Variants in PLXDC2 observed in about 807,000 individuals in gnomAD.
PLXDC2 encodes plexin domain-containing protein 2.
PLXDC2 carries 40 observed loss-of-function variants against 68.9 expected under a neutral mutation model. The observed-to-expected ratio is 0.58, with a 90% CI of 0.45 to 0.76. The LOEUF (loss-of-function observed/expected upper bound fraction) is 0.76, where lower values mean the gene tolerates loss of function less well. Among genes scored for constraint, PLXDC2 ranks in the 30% least tolerant of loss-of-function variants. PLXDC2 has a pLI of 0.00. For synonymous variants in PLXDC2, 243 were observed against 234.2 expected, an observed-to-expected ratio of 1.04 and a Z score of -0.34; for missense variants, 644 against 661.9, an observed-to-expected ratio of 0.97 and a Z score of 0.30.
At chr10:20,191,828 T>A (rs970787798) in intron 9 of PLXDC2, among the ~76,000 whole-genome samples, 5 of 151,868 alleles carry the variant, frequency 3.3e-5, no homozygotes, top group Admixed American at 6.6e-5. Flanking sequence ...AACAAGTAAA[T>A]AAATAAAAAA....
chr10:19,987,780 G>A (rs954743249), intron 1 of PLXDC2, among the ~76,000 whole-genome samples: 2 of 151,896 alleles, frequency 1.3e-5, no homozygotes, highest in South Asian at 2.1e-4. Context: ...TGGCCAGGAT[G>A]GTCTCGATCG....
chr10:20,033,079 A>T (rs1005285540), intron 2 of PLXDC2, among the ~76,000 whole-genome samples: 12 of 151,950 alleles, frequency 7.9e-5, no homozygotes, highest in Non-Finnish European at 1.6e-4. Context: ...ATATACCTAA[A>T]GTAAATGATG....
chr10:20,047,700 C>T (rs545974180), intron 3 of PLXDC2, among the ~76,000 whole-genome samples: 1 of 152,096 alleles, frequency 6.6e-6, no homozygotes, highest in Non-Finnish European at 1.5e-5. Flanking sequence ...CAAGGGCCAG[C>T]CTGAATGCTC....
At chr10:20,109,049 A>T (rs148687471) in intron 4 of PLXDC2, among the ~76,000 whole-genome samples, 1 of 152,328 alleles carries the variant, frequency 6.6e-6, no homozygotes, top group Non-Finnish European at 1.5e-5. Context: ...ATACTGGGAC[A>T]ATAAATTGCT....
At chr10:20,198,196 A>G (rs1366974355) in intron 9 of PLXDC2, among the ~76,000 whole-genome samples, 1 of 152,140 alleles carries the variant, frequency 6.6e-6, no homozygotes, top group Non-Finnish European at 1.5e-5. Context: ...AAAACAGAAG[A>G]CAAGCAGCTG....
chr10:19,896,370 T>A (rs190264523), intron 1 of PLXDC2, among the ~76,000 whole-genome samples: 1 of 152,292 alleles, frequency 6.6e-6, no homozygotes, highest in Non-Finnish European at 1.5e-5. Context: ...CAGAGCTAGG[T>A]TGCATTTTGG....
intron 2 of PLXDC2, among the ~76,000 whole-genome samples, chr10:20,044,122 T>TCCTTCCTTCCTTCCTTCCTC (rs71388894): frequency 0.017 from 1,659 of 99,772 alleles, 281 homozygotes; most frequent in South Asian, 0.031. Context: ...CTTCCTTCCT[T>TCCTTCCTTCCTTCCTTCCTC]CCTCCCTCCC....
In PLXDC2 at chr10:20,158,629, C is replaced by T. The variant is rs145562373; in HGVS notation, c.784-5839C>T. Among the ~76,000 whole-genome samples, 1,498 of 151,578 alleles carry T rather than the reference C, an allele frequency of 9.9e-3. 18 individuals are homozygous for T. Among genetic ancestry groups the T allele is most frequent in the African/African-American group, 0.031 (1,277 of 41,350 alleles). On this transcript the variant is annotated intron_variant, in intron 6 of 13. Coordinates refer to ENST00000377252, the MANE Select transcript of PLXDC2 (RefSeq NM_032812.9). ...AGTGAACTGTGATTGCACCACTGCA[C>T]TCCAGCCTGGGCAACAGAATGAGAC... is the stretch of plus-strand genomic sequence containing the variant.
chr10:20,208,065 T>C (rs767731759), intron 9 of PLXDC2, among the ~76,000 whole-genome samples: 2 of 152,152 alleles, frequency 1.3e-5, no homozygotes, highest in African/African-American at 4.8e-5. Flanking sequence ...TAAGAAAATA[T>C]AAGGCAAAAG....
intron 2 of PLXDC2, among the ~76,000 whole-genome samples, chr10:20,039,915 A>T (rs991056037): frequency 6.6e-6 from 1 of 152,172 alleles, no homozygotes; most frequent in Admixed American, 6.5e-5. Context: ...AATAGATGCA[A>T]CTTTCTAAAA....
At chr10:20,066,366 G>C (rs1288418966) in intron 3 of PLXDC2, among the ~76,000 whole-genome samples, 1 of 152,152 alleles carries the variant, frequency 6.6e-6, no homozygotes, top group East Asian at 1.9e-4. Context: ...TAATTGATAG[G>C]GTTCATTAGA....
rs551760823 is a variant in PLXDC2, at chr10:19,890,321, G to C, written c.112+73130G>C. Among the ~76,000 whole-genome samples the C allele has an allele frequency of 1.2e-3, 186 of 152,164 alleles. 1 individual carries two copies. The highest frequency in any genetic ancestry group is 4.4e-3 in the African/African-American group (184 of 41,502). ...TGGATGTACTGTGTGTGATGCTGAG[G>C]TTTCGGGTATGAATCATCCCATCAC... On this transcript the variant is annotated intron_variant, in intron 1 of 13. Coordinates refer to ENST00000377252, the MANE Select transcript of PLXDC2 (RefSeq NM_032812.9).
chr10:20,082,432 A>T (rs1224083584), intron 4 of PLXDC2, among the ~76,000 whole-genome samples: 1 of 152,094 alleles, frequency 6.6e-6, no homozygotes, highest in African/African-American at 2.4e-5. Flanking sequence ...TTAAAAGTTT[A>T]TTTTTAAAAA....
intron 1 of PLXDC2, among the ~76,000 whole-genome samples, chr10:19,897,402 G>T (rs375997050): frequency 2.6e-5 from 4 of 152,166 alleles, no homozygotes; most frequent in African/African-American, 7.2e-5. Context: ...ACCATGCCTG[G>T]CTAGTTTTGT....
chr10:20,183,666 C>T (rs779461203), intron 9 of PLXDC2, among the ~76,000 whole-genome samples: 1 of 151,874 alleles, frequency 6.6e-6, no homozygotes, highest in Non-Finnish European at 1.5e-5. Flanking sequence ...TCCACAATAC[C>T]CAACACAGTG....
intron 12 of PLXDC2, among the ~76,000 whole-genome samples, chr10:20,230,496 C>T (rs1036518382): frequency 6.6e-6 from 1 of 151,408 alleles, no homozygotes; most frequent in African/African-American, 2.4e-5. Flanking sequence ...ATGGTGAAAC[C>T]CCATCTCTAC....
intron 1 of PLXDC2, among the ~76,000 whole-genome samples, chr10:20,001,293 C>A (rs1458101456): frequency 6.6e-6 from 1 of 152,202 alleles, no homozygotes; most frequent in Non-Finnish European, 1.5e-5. Flanking sequence ...TAACCCGTTC[C>A]TATACACTGG....
At chr10:19,957,558 G>T (rs778105548) in intron 1 of PLXDC2, among the ~76,000 whole-genome samples, 2 of 152,012 alleles carry the variant, frequency 1.3e-5, no homozygotes, top group Non-Finnish European at 2.9e-5. Flanking sequence ...AAATTACCAC[G>T]TTTATGCCAG....
chr10:20,252,891 C>A lies in PLXDC2; in HGVS notation c.1473+7386C>A, dbSNP rs182685215. ...TTTTTTAATTGCTTGAGCAATGTTA[C>A]CTTTTTTGATCGCTTGAGCTCAGGA... On this transcript the variant is annotated intron_variant, in intron 13 of 13. Coordinates refer to ENST00000377252, the MANE Select transcript of PLXDC2 (RefSeq NM_032812.9). Among the ~76,000 whole-genome samples the A allele has an allele frequency of 3.9e-5, 6 of 152,168 alleles. No individual in the cohort carries two copies. The South Asian group carries it at 8.3e-4, about 21-fold the overall frequency.
Sources: allele counts gnomAD v4.1 joint callset (sites outside exome capture counted in the v4.1 genomes callset), GRCh38; gene constraint gnomAD v4.1.1; transcripts MANE v1.5; gene names NCBI Gene and HGNC (gene_info 2026-07-23, HGNC 2026-07-21).